Variants in MINDY1 observed in about 807,000 individuals in gnomAD.
MINDY1 encodes MINDY lysine 48 deubiquitinase 1, also known as ubiquitin carboxyl-terminal hydrolase MINDY-1.
MINDY1 carries 50 observed loss-of-function variants against 53.6 expected under a neutral mutation model. The observed-to-expected ratio is 0.93, with a 90% CI of 0.74 to 1.18. The LOEUF (loss-of-function observed/expected upper bound fraction) is 1.18, where lower values mean the gene tolerates loss of function less well. Ranked by LOEUF, MINDY1 falls within the 50% of genes most tolerant of loss-of-function variation. MINDY1 has a pLI of 0.00. For synonymous variants in MINDY1, 231 were observed against 234.7 expected, an observed-to-expected ratio of 0.98 and a Z score of 0.14; for missense variants, 484 against 578.6, an observed-to-expected ratio of 0.84 and a Z score of 1.68.
chr1:150,997,235 C>G lies in MINDY1; in HGVS notation c.*52G>C. 1 of 1,540,296 alleles carries G rather than the reference C, an allele frequency of 6.5e-7. No homozygotes were observed. Among genetic ancestry groups the G allele is most frequent in the Non-Finnish European group, 8.8e-7 (1 of 1,135,380 alleles). ...GGGTGGAGGCGGGGGAGCAAGCCAA[C>G]TAGCCATAGCCTCTGGAAGAAGGGG... On this transcript the variant is annotated 3_prime_UTR_variant, in exon 10 of 10. Transcript: ENST00000683666.
chr1:150,998,469 C>G (rs1672118327), intron 7 of MINDY1, among the ~76,000 whole-genome samples, 196 bp from the exon 8 acceptor site: 1 of 152,210 alleles, frequency 6.6e-6, no homozygotes, highest in Admixed American at 6.5e-5. Context: ...ATTCTCCTGC[C>G]TCAGCCTCCC....
intron 8 of MINDY1, 101 bp from the exon 9 acceptor site, chr1:150,997,880 C>T (rs1330741338): frequency 8.3e-6 from 11 of 1,326,960 alleles, no homozygotes; most frequent in African/African-American, 1.5e-5. Flanking sequence ...AATTCTCTAG[C>T]TCTTTCTCCC....
upstream of MINDY1, among the ~76,000 whole-genome samples, chr1:151,007,074 AAAAC>A (rs970298729): frequency 2.6e-5 from 4 of 152,304 alleles, no homozygotes; most frequent in East Asian, 1.9e-4. Flanking sequence ...ATTAATGTTA[AAAAC>A]AAACAAACAA....
At chr1:151,008,385 G>A, upstream of MINDY1, 2 of 1,205,228 alleles carry the variant, frequency 1.7e-6, no homozygotes, top group South Asian at 3.2e-5. Flanking sequence ...AGACGTCCCA[G>A]GAGCCTCTGG....
intron 2 of MINDY1, 24 bp from the exon 3 acceptor site, chr1:151,001,806 G>A (rs1428579866): frequency 1.0e-5 from 16 of 1,575,804 alleles, no homozygotes; most frequent in African/African-American, 2.8e-5. Flanking sequence ...GGGTGATCAC[G>A]TGTGTGCTTT....
Position 150,999,484 on chromosome 1 carries a change from G to A in MINDY1, c.866C>T (p.Thr289Ile). ...GTGGTAGGTCAGCTGGGCCGCGGTG[G>A]TCTCCAGGAACTGCTCTGCAATCAG... ...EGLIAEQFLE[T>I]TAAQLTYHGL... Residue 289 changes from threonine to isoleucine, a missense_variant, in exon 7 of 10, where the codon ACC becomes ATC. Thr to Ile is a moderately conservative substitution (Grantham distance 89). Transcript: ENST00000683666. This position sits in a 1 kb window ranked among gnomAD's most constrained non-coding sequence, Gnocchi z 4.4. 1 of 1,614,118 alleles carries A rather than the reference G, an allele frequency of 6.2e-7. No homozygotes were observed.
chr1:151,003,007 G>C, intron 1 of MINDY1: 1 of 1,145,942 alleles, frequency 8.7e-7, no homozygotes, highest in Non-Finnish European at 1.1e-6. Context: ...GAAAGACAGA[G>C]AGAAAGGGAG....
intron 4 of MINDY1, among the ~76,000 whole-genome samples, chr1:151,000,983 G>A (rs1161428025): frequency 6.6e-6 from 1 of 152,000 alleles, no homozygotes; most frequent in Admixed American, 6.6e-5. Context: ...AGAGACAGGG[G>A]TATTATTATG....
rs959783182 is a variant in MINDY1 at position 151,002,145 on chromosome 1, C to T, written c.453+20G>A. ...GTACTCCCTGATATTTTTTGCACCC[C>T]TAACTGCATGTTCTCTTACCTTCCA... On this transcript the variant is annotated intron_variant, in intron 2 of 9. Transcript: ENST00000683666. This position sits in a 1 kb window ranked among gnomAD's most constrained non-coding sequence, Gnocchi z 4.1. 2 of 1,576,218 alleles carry T rather than the reference C, an allele frequency of 1.3e-6. No individual in the cohort carries two copies. The highest frequency in any genetic ancestry group is 1.4e-5 in the African/African-American group (1 of 73,774).
At position 151,002,385 on chromosome 1, in the gene MINDY1, G is replaced by A. The variant is rs148438333; in HGVS notation, c.233C>T (p.Pro78Leu). The A allele has an allele frequency of 6.0e-4, 961 of 1,614,176 alleles. 2 individuals carry two copies. Among genetic ancestry groups the A allele is most frequent in the Admixed American group, 9.2e-4 (55 of 60,014 alleles). The change falls in exon 2 of 10, where the codon CCG becomes CTG. Residue 78 changes from proline to leucine, a missense_variant. Pro to Leu is a moderately conservative substitution (Grantham distance 98). Coordinates refer to ENST00000683666, the MANE Select transcript of MINDY1 (RefSeq NM_001376665.1). The surrounding 1 kb of genome is among the most constrained non-coding windows in gnomAD (Gnocchi z 4.1). ...SPLPEASSAP[P>L]GPTLGTLPEV... is the part of the protein sequence containing the mutation. ...AGGCAGTGTCCCAAGGGTTGGCCCC[G>A]GTGGAGCTGAGCTAGCTTCAGGCAG...
Position 150,998,249 on chromosome 1 carries a change from C to T in MINDY1, c.1006G>A (p.Asp336Asn). Residue 336 changes from aspartate to asparagine, a missense_variant, in exon 8 of 10, where the codon GAC becomes AAC. Physicochemically the swap from Asp to Asn is conservative, Grantham distance 23. Transcript: ENST00000683666. ...TGCTCCTCCTGTAGAAAGCCCTGGT[C>T]AGTGACCAGTAGGTATAAGTGACTC... ...HKSHLYLLVT[D>N]QGFLQEEQVV... 1 of 1,614,000 alleles carries T rather than the reference C, an allele frequency of 6.2e-7. No homozygotes were observed. Among genetic ancestry groups the T allele is most frequent in the South Asian group, 1.1e-5 (1 of 91,076 alleles).
chr1:151,002,126 C>T lies in MINDY1; in HGVS notation c.453+39G>A, dbSNP rs1377594672. On this transcript the variant is annotated intron_variant, in intron 2 of 9. Transcript: ENST00000683666. This position sits in a 1 kb window ranked among gnomAD's most constrained non-coding sequence, Gnocchi z 4.1. ...GGAAGTAAGTCAGGGAAGAGTACTC[C>T]CTGATATTTTTTGCACCCCTAACTG... 6.5e-7 allele frequency: 1 copy of T among 1,544,614 alleles called. No homozygotes were observed. Among genetic ancestry groups the T allele is most frequent in the Non-Finnish European group, 8.8e-7 (1 of 1,142,382 alleles).
At position 151,006,100 on chromosome 1, in the gene MINDY1, C is replaced by T. The variant is rs1280757198; in HGVS notation, c.-90+212G>A. The T allele has an allele frequency of 3.9e-6, 6 of 1,551,684 alleles. No homozygotes were observed. The South Asian group carries it at 5.9e-5, about 15-fold the overall frequency. On this transcript the variant is annotated intron_variant, in intron 1 of 9. Coordinates refer to ENST00000683666, the MANE Select transcript of MINDY1 (RefSeq NM_001376665.1). ...CCACAGTGCCCTGTATACTTGCTCACAAGGAGAGGGGGAAGGTTTCGTGCT... is the reference window on the plus strand; with the variant it reads ...CCACAGTGCCCTGTATACTTGCTCATAAGGAGAGGGGGAAGGTTTCGTGCT...
chr1:151,006,833 G>A lies in MINDY1; in HGVS notation c.-611C>T, dbSNP rs1173012466. ...AGCAGAGAGGGAGCGAGAAACAGGA[G>A]AGAAAAACAACAGACCCTTTCTCTT... On this transcript the variant is annotated 5_prime_UTR_variant, in exon 1 of 10. Transcript: ENST00000683666. 4.1e-6 allele frequency: 4 copies of A among 985,386 alleles called. No homozygotes were observed. In the African/African-American group the frequency reaches 7.0e-5, roughly 17 times the overall value. 61.0% of individuals were successfully genotyped at this position (985,386 alleles called of 1,614,324 possible).
chr1:151,001,253 C>A lies in MINDY1; in HGVS notation c.573G>T (p.Gln191His), dbSNP rs145076147. Reference sequence around the variant, plus strand: ...GCCTGCAGACCTTTTGCCTCACCTGCTGAAAATTAAGCTGAAGTCCCTCTG... The same window carrying A: ...GCCTGCAGACCTTTTGCCTCACCTGATGAAAATTAAGCTGAAGTCCCTCTG... ...EKSEGLQLNFQQNVDDAMTVL... is the reference protein window; with the variant it reads ...EKSEGLQLNFHQNVDDAMTVL... The change falls in exon 4 of 10, where the codon CAG (glutamine) becomes CAT (histidine). Residue 191 changes from glutamine to histidine, a missense_variant. Coordinates refer to ENST00000683666, the MANE Select transcript of MINDY1 (RefSeq NM_001376665.1). 1 of 1,614,208 alleles carries A rather than the reference C, an allele frequency of 6.2e-7. No individual in the cohort carries two copies. Among genetic ancestry groups the A allele is most frequent in the Non-Finnish European group, 8.5e-7 (1 of 1,180,038 alleles).
At chr1:151,000,053 T>C in intron 5 of MINDY1, 89 bp from the exon 6 acceptor site, 1 of 930,580 alleles carries the variant, frequency 1.1e-6, no homozygotes, top group Middle Eastern at 2.4e-4. Context: ...TCACAAGGAC[T>C]ACAACCCTGT....
rs1672003920 is a variant in MINDY1 at position 150,997,728 on chromosome 1, C to T, written c.1225G>A (p.Gly409Arg). Residue 409 changes from glycine to arginine, a missense_variant, in exon 9 of 10, where the codon GGG becomes AGG. By Grantham distance (125) the Gly-to-Arg change is moderately radical. Transcript: ENST00000683666. ...LQQQQPRGPL[G>R]LTDLELAQQL... is the part of the protein sequence containing the mutation. Reference sequence around the variant, plus strand: ...TGGGCCAGCTCCAAGTCGGTAAGCCCCAGCGGGCCTCGTGGCTGTTGCTGC... The same window carrying T: ...TGGGCCAGCTCCAAGTCGGTAAGCCTCAGCGGGCCTCGTGGCTGTTGCTGC... 3.1e-6 allele frequency: 5 copies of T among 1,613,960 alleles called. No homozygotes were observed. Among genetic ancestry groups the T allele is most frequent in the Non-Finnish European group, 4.2e-6 (5 of 1,180,032 alleles).
At chr1:151,007,846 A>G (rs1484444054), upstream of MINDY1, among the ~76,000 whole-genome samples, 1 of 152,190 alleles carries the variant, frequency 6.6e-6, no homozygotes, top group African/African-American at 2.4e-5. Flanking sequence ...AAGCAACTCT[A>G]AAGGCTGAAA....
chr1:151,000,376 C>T, intron 5 of MINDY1, 81 bp downstream of exon 5: 1 of 1,468,024 alleles, frequency 6.8e-7, no homozygotes, highest in Non-Finnish European at 9.1e-7. Context: ...CCCTAACTCC[C>T]TAACCTCTAC....
Sources: allele counts gnomAD v4.1 joint callset (sites outside exome capture counted in the v4.1 genomes callset), GRCh38; gene constraint gnomAD v4.1.1; non-coding constraint Gnocchi (gnomAD v3.1); transcripts MANE v1.5; gene names NCBI Gene and HGNC (gene_info 2026-07-23, HGNC 2026-07-21).